MDGA1: variants seen among roughly 807,000 people sequenced by gnomAD.
MDGA1 encodes the protein MAM domain containing glycosylphosphatidylinositol anchor 1.
Under a neutral mutation model 101.5 loss-of-function variants are expected in MDGA1, and 54 were observed. The ratio of observed to expected loss-of-function variants is 0.53; its 90% CI spans 0.43 to 0.67. The LOEUF is 0.67. Ranked by LOEUF, MDGA1 falls within the 30% of genes least tolerant of loss-of-function variation. The pLI is 0.00. For missense variants in MDGA1, 1,083 were observed against 1,323.8 expected, an observed-to-expected ratio of 0.82 and a Z score of 2.82; for synonymous variants, 533 against 558.3, an observed-to-expected ratio of 0.95 and a Z score of 0.64.
At chr6:37,648,670 T>C (rs73413369) in intron 9 of MDGA1, 11,160 of 457,298 alleles carry the variant, frequency 0.024, 998 homozygotes, top group African/African-American at 0.2. Context: ...TGGGCGGGGC[T>C]TAGGACTGGT....
At chr6:37,673,485 G>GGGCA (rs1203602586) in intron 1 of MDGA1, among the ~76,000 whole-genome samples, 1 of 152,204 alleles carries the variant, frequency 6.6e-6, no homozygotes, top group Admixed American at 6.5e-5. Flanking sequence ...AGGCTTTCCT[G>GGGCA]GGCAGGCACC....
intron 1 of MDGA1, among the ~76,000 whole-genome samples, chr6:37,676,015 G>C (rs181316709): frequency 3.3e-5 from 5 of 152,306 alleles, no homozygotes; most frequent in Admixed American, 3.3e-4. Flanking sequence ...GGACATAACA[G>C]GGCTCCCTAT....
chr6:37,644,029 G>A (rs1370244114), intron 13 of MDGA1, 86 bp from the exon 14 acceptor site: 33 of 1,522,670 alleles, frequency 2.2e-5, no homozygotes, highest in African/African-American at 4.1e-5. Flanking sequence ...AGGCCTCTGC[G>A]GGCTGAATCT....
chr6:37,638,838 C>T lies in MDGA1; in HGVS notation c.2537-171G>A. The T allele has an allele frequency of 2.5e-6, 2 of 804,628 alleles. No individual in the cohort carries two copies. The highest frequency in any genetic ancestry group is 2.7e-4 in the Middle Eastern group (1 of 3,644). 49.8% of individuals were successfully genotyped at this position (804,628 alleles called of 1,614,324 possible). A position where few individuals can be genotyped will look rare whatever the true frequency, so the allele number is the denominator to read the frequency against. On this transcript the variant is annotated intron_variant, in intron 14 of 16. Transcript: ENST00000434837. This position sits in a 1 kb window ranked among gnomAD's most constrained non-coding sequence, Gnocchi z 4.8. Reference sequence around the variant, plus strand: ...TGTCCCATTCCTGCAGGGACACCCTCAGTGTGGGAAAGAGAAGACTTCAGC... The same window carrying T: ...TGTCCCATTCCTGCAGGGACACCCTTAGTGTGGGAAAGAGAAGACTTCAGC...
chr6:37,674,670 C>T (rs1402486582), intron 1 of MDGA1, among the ~76,000 whole-genome samples: 1 of 152,172 alleles, frequency 6.6e-6, no homozygotes, highest in Non-Finnish European at 1.5e-5. Context: ...GGACAGGCCA[C>T]CAGGAAAGCC....
intron 14 of MDGA1, chr6:37,643,277 CT>C (rs111450568): frequency 2.0e-3 from 285 of 145,612 alleles, no homozygotes; most frequent in Middle Eastern, 3.5e-3. Flanking sequence ...TTTCTTTTTC[CT>C]TTTTTTTTTT....
Position 37,696,283 on chromosome 6 carries a change from G to A in MDGA1, c.67+462C>T. Among the ~76,000 whole-genome samples, 1 of 152,336 alleles carries A rather than the reference G, an allele frequency of 6.6e-6. No individual in the cohort carries two copies. The highest frequency in any genetic ancestry group is 1.9e-4 in the East Asian group (1 of 5,178). ...GAAGAAGCGAAGCCGCAGCAACAGC[G>A]GGGAAGGCGAGCCCGCCGCCCGGCC... On this transcript the variant is annotated intron_variant, in intron 1 of 16. Transcript: ENST00000434837. The surrounding 1 kb of genome is among the most constrained non-coding windows in gnomAD (Gnocchi z 5.6).
intron 2 of MDGA1, among the ~76,000 whole-genome samples, chr6:37,659,329 C>T (rs543301746): frequency 6.6e-6 from 1 of 152,294 alleles, no homozygotes; most frequent in South Asian, 2.1e-4. Context: ...CACCATGATA[C>T]CCATTCTGCA....
At chr6:37,640,295 C>G (rs1764034852) in intron 14 of MDGA1, among the ~76,000 whole-genome samples, 1 of 151,996 alleles carries the variant, frequency 6.6e-6, no homozygotes, top group South Asian at 2.1e-4. Context: ...CACTAGCATA[C>G]AGTTCTGCTT....
chr6:37,637,249 C>A lies in MDGA1; in HGVS notation c.*119G>T, dbSNP rs2113990975. On this transcript the variant is annotated 3_prime_UTR_variant, in exon 17 of 17. Coordinates refer to ENST00000434837, the MANE Select transcript of MDGA1 (RefSeq NM_153487.4). The stretch of plus-strand genomic sequence containing the variant: ...CATCCTTGCAGCCAATGCAGGCCCC[C>A]TCCCTGGCGGGCCGGCCCTGCCCCT... 1 of 732,640 alleles carries A rather than the reference C, an allele frequency of 1.4e-6. No homozygotes were observed. The highest frequency in any genetic ancestry group is 2.3e-6 in the Non-Finnish European group (1 of 429,000). The allele number at this position is 732,640 out of a possible 1,614,324, so 45.4% of individuals were successfully genotyped here. A position where few individuals can be genotyped will look rare whatever the true frequency, so the allele number is the denominator to read the frequency against.
rs749631279 is a variant in MDGA1, at chr6:37,650,348, G to A, written c.1370C>T (p.Ser457Leu). The A allele has an allele frequency of 3.8e-6, 6 of 1,578,340 alleles. No homozygotes were observed. The highest frequency in any genetic ancestry group is 2.7e-5 in the African/African-American group (2 of 74,216). ...CACCTCGCATTGCAGCTCGGCAGGC[G>A]ATCCCTCGCGCACGGTCACCACGGC... The part of the protein sequence containing the change: ...GRAVVTVREG[S>L]PAELQCEVRG... The change falls in exon 8 of 17, where the codon TCG becomes TTG. Residue 457 changes from serine (S) to leucine (L), a missense_variant. Transcript: ENST00000434837.
At chr6:37,643,696 C>T in intron 14 of MDGA1, 113 bp downstream of exon 14, 1 of 1,454,000 alleles carries the variant, frequency 6.9e-7, no homozygotes, top group Non-Finnish European at 9.4e-7. Context: ...CTCATTTAGC[C>T]AAGTGGGGAA....
chr6:37,688,778 G>A (rs1292225485), intron 1 of MDGA1, among the ~76,000 whole-genome samples: 1 of 152,192 alleles, frequency 6.6e-6, no homozygotes, highest in Non-Finnish European at 1.5e-5. Flanking sequence ...AAAGGTAAGC[G>A]TGCCTAAACC....
intron 14 of MDGA1, chr6:37,641,594 T>C (rs1764083184): frequency 6.6e-6 from 1 of 152,236 alleles, no homozygotes; most frequent in African/African-American, 2.4e-5. Context: ...ACTCACTCTT[T>C]TTTTCTTTTT....
chr6:37,685,651 C>A (rs777245002), intron 1 of MDGA1, among the ~76,000 whole-genome samples: 4 of 152,194 alleles, frequency 2.6e-5, no homozygotes, highest in Non-Finnish European at 5.9e-5. Flanking sequence ...GAGACACCTG[C>A]TAGCAGAGAG....
intron 9 of MDGA1, among the ~76,000 whole-genome samples, 197 bp downstream of exon 9, chr6:37,648,785 T>C (rs1327664816): frequency 6.6e-6 from 1 of 151,896 alleles, no homozygotes; most frequent in Non-Finnish European, 1.5e-5. Flanking sequence ...AGGCCCAGGT[T>C]GGGATCCGAG....
intron 14 of MDGA1, among the ~76,000 whole-genome samples, chr6:37,642,212 T>C (rs1277891544): frequency 7.1e-6 from 1 of 140,092 alleles, no homozygotes; most frequent in African/African-American, 2.7e-5. Flanking sequence ...GGAGTCTTAC[T>C]CTGTCACTCA....
intron 2 of MDGA1, among the ~76,000 whole-genome samples, chr6:37,659,715 G>A (rs1761576724): frequency 6.6e-6 from 1 of 152,098 alleles, no homozygotes; most frequent in Non-Finnish European, 1.5e-5. Context: ...TCTCATGCAG[G>A]GAGGGACCAC....
Position 37,638,763 on chromosome 6 carries a change from A to G in MDGA1, c.2537-96T>C. 1 of 1,489,364 alleles carries G rather than the reference A, an allele frequency of 6.7e-7. No homozygotes were observed. 92.3% of individuals were successfully genotyped at this position (1,489,364 alleles called of 1,614,324 possible). A position where few individuals can be genotyped will look rare whatever the true frequency, so the allele number is the denominator to read the frequency against. ...GCCCTCTTCTCCCACCATAGCCTGC[A>G]GCCCTGTCCCTGTTGACAGGACCTC... On this transcript the variant is annotated intron_variant, in intron 14 of 16. Transcript: ENST00000434837. The surrounding 1 kb of genome is among the most constrained non-coding windows in gnomAD (Gnocchi z 4.8).
Sources: allele counts gnomAD v4.1 joint callset (sites outside exome capture counted in the v4.1 genomes callset), GRCh38; gene constraint gnomAD v4.1.1; non-coding constraint Gnocchi (gnomAD v3.1); transcripts MANE v1.5; gene names NCBI Gene and HGNC (gene_info 2026-07-23, HGNC 2026-07-21).